EYA4: variants seen among roughly 807,000 people sequenced by gnomAD.
EYA4 encodes EYA transcriptional coactivator and phosphatase 4.
A neutral mutation model predicts 87.9 loss-of-function variants in EYA4; 31 were observed. That is an observed-to-expected ratio of 0.35 (90% confidence interval 0.27 to 0.48). EYA4 has a LOEUF of 0.48. Ranked by LOEUF, EYA4 falls within the 20% of genes least tolerant of loss-of-function variation. The pLI is 0.99. For missense variants in EYA4, 678 were observed against 761.4 expected (o/e 0.89, Z 1.29); for synonymous variants, 263 against 270.6 (o/e 0.97, Z 0.28).
intron 2 of EYA4, among the ~76,000 whole-genome samples, chr6:133,326,017 G>A (rs138281216): frequency 6.6e-6 from 1 of 152,300 alleles, no homozygotes; most frequent in Non-Finnish European, 1.5e-5. Flanking sequence ...TGCTTCTTAT[G>A]CCTCACTGAC....
At chr6:133,294,539 C>T (rs929461462) in intron 2 of EYA4, among the ~76,000 whole-genome samples, 2 of 151,068 alleles carry the variant, frequency 1.3e-5, no homozygotes, top group African/African-American at 4.9e-5. Flanking sequence ...TTTGTGTTGT[C>T]ATTCAACATC....
chr6:133,356,870 T>A (rs1784091095), intron 2 of EYA4, among the ~76,000 whole-genome samples: 1 of 151,628 alleles, frequency 6.6e-6, no homozygotes, highest in Admixed American at 6.6e-5. Flanking sequence ...TGGCATGATC[T>A]CGGCTCACTG....
chr6:133,519,754 C>T (rs1799944985), intron 17 of EYA4, among the ~76,000 whole-genome samples: 1 of 151,084 alleles, frequency 6.6e-6, no homozygotes, highest in Non-Finnish European at 1.5e-5. Context: ...CAATAAAATA[C>T]TGGCAAAACG....
rs752747096 is a variant in EYA4 at position 133,462,455 on chromosome 6, G to A, written c.558G>A (p.Gln186=). 3 of 1,613,936 alleles carry A rather than the reference G, an allele frequency of 1.9e-6. No homozygotes were observed. The Admixed American group carries it at 5.0e-5, about 27-fold the overall frequency. The change falls in exon 8 of 20, where the codon CAG becomes CAA. Residue 186 remains glutamine, a synonymous_variant. Transcript: ENST00000355286. ...AVYTAYSQTG[Q]PYSLPTYDLG... The stretch of plus-strand genomic sequence containing the variant: ...ACACAGCCTACTCACAGACAGGACA[G>A]CCCTACAGCTTGCCCACTTACGGTA...
rs780311987 is a variant in EYA4 at position 133,528,721 on chromosome 6, A to T, written c.1840-4A>T. On this transcript the variant is annotated splice_region_variant and splice_polypyrimidine_tract_variant and intron_variant, in intron 19 of 19. Coordinates refer to ENST00000355286, the MANE Select transcript of EYA4 (RefSeq NM_004100.5). ...TCCCATCCCTCCTTCTCCTAACCAC[A>T]CAGCACAACATGCCCTTCTGGAGGA... is the stretch of plus-strand genomic sequence containing the variant. The T allele has an allele frequency of 2.5e-6, 4 of 1,608,772 alleles. No individual in the cohort carries two copies. The highest frequency in any genetic ancestry group is 2.6e-6 in the Non-Finnish European group (3 of 1,175,414).
At chr6:133,502,205 T>G (rs1327576411) in intron 13 of EYA4, 1 of 152,170 alleles carries the variant, frequency 6.6e-6, no homozygotes, top group African/African-American at 2.4e-5. Flanking sequence ...TTTGAACCTT[T>G]TGGAACTGTT....
rs570354262 is a variant in EYA4, at chr6:133,328,251, C to T, written c.33+53438C>T. 3.9e-5 allele frequency among the ~76,000 whole-genome samples: 6 copies of T among 152,230 alleles called. No homozygotes were observed. The East Asian group carries it at 9.6e-4, about 24-fold the overall frequency. On this transcript the variant is annotated intron_variant, in intron 2 of 19. Transcript: ENST00000355286. ...TAAATGAAACAATACAAATAAGACA[C>T]TTAGAACACTTAAAATATGTTATCA...
intron 2 of EYA4, among the ~76,000 whole-genome samples, chr6:133,352,793 A>C (rs769946292): frequency 3.3e-5 from 5 of 152,168 alleles, no homozygotes; most frequent in Non-Finnish European, 5.9e-5. Flanking sequence ...AGTCAAAGCC[A>C]AGCTTAATAA....
chr6:133,277,724 C>A (rs541550341), intron 2 of EYA4, among the ~76,000 whole-genome samples: 5 of 152,324 alleles, frequency 3.3e-5, no homozygotes, highest in Admixed American at 3.3e-4. Context: ...CCTCTCCCAG[C>A]TTTTCTTCCT....
chr6:133,362,908 AAG>A (rs1784562412), intron 2 of EYA4, among the ~76,000 whole-genome samples: 1 of 152,216 alleles, frequency 6.6e-6, no homozygotes. Flanking sequence ...TCTGTCCTGA[AAG>A]AGGTCCACAG....
intron 2 of EYA4, among the ~76,000 whole-genome samples, chr6:133,291,143 A>G (rs1288801070): frequency 6.6e-6 from 1 of 152,200 alleles, no homozygotes; most frequent in Non-Finnish European, 1.5e-5. Context: ...AAAGGACCTT[A>G]TTAGAGAGAG....
At chr6:133,269,500 C>G (rs1326446267) in intron 1 of EYA4, among the ~76,000 whole-genome samples, 1 of 95,962 alleles carries the variant, frequency 1.0e-5, no homozygotes, top group Non-Finnish European at 2.0e-5. Flanking sequence ...AAAAACATAC[C>G]TTTGATCTGT....
chr6:133,372,395 A>G (rs1301177725), intron 2 of EYA4, among the ~76,000 whole-genome samples: 2 of 152,056 alleles, frequency 1.3e-5, no homozygotes, highest in African/African-American at 4.8e-5. Flanking sequence ...CTAATGAAGA[A>G]TTTTATTTTA....
At chr6:133,253,964 C>A (rs1379932515) in intron 1 of EYA4, among the ~76,000 whole-genome samples, 2 of 152,140 alleles carry the variant, frequency 1.3e-5, no homozygotes, top group Admixed American at 6.5e-5. Flanking sequence ...GGCATTAGGT[C>A]CCAAACCAGA....
At chr6:133,500,685 C>G (rs1298163803) in intron 13 of EYA4, among the ~76,000 whole-genome samples, 3 of 152,176 alleles carry the variant, frequency 2.0e-5, no homozygotes, top group Admixed American at 6.5e-5. Flanking sequence ...CTCTTGCACC[C>G]TGGTTCCGTG....
intron 2 of EYA4, among the ~76,000 whole-genome samples, chr6:133,289,047 G>A (rs970372694): frequency 6.6e-6 from 1 of 152,170 alleles, no homozygotes; most frequent in Non-Finnish European, 1.5e-5. Flanking sequence ...ACACAGAACA[G>A]CAATTGAATG....
chr6:133,457,532 C>A (rs1344370955), intron 6 of EYA4, among the ~76,000 whole-genome samples: 1 of 151,936 alleles, frequency 6.6e-6, no homozygotes, highest in Non-Finnish European at 1.5e-5. Flanking sequence ...TGAGATATGT[C>A]TTAGAGTATT....
chr6:133,488,314 C>T (rs191336598), intron 13 of EYA4, among the ~76,000 whole-genome samples: 1 of 152,112 alleles, frequency 6.6e-6, no homozygotes, highest in Non-Finnish European at 1.5e-5. Flanking sequence ...TGTAGACCCA[C>T]CAGGGACCAG....
rs969466286 is a variant in EYA4 at position 133,409,338 on chromosome 6, AAAG to A, written c.83+26901_83+26903del. On this transcript the variant is annotated intron_variant, in intron 3 of 19. Transcript: ENST00000355286. ...AATTGCAAAATATATACACACAAAA[AAAG>A]AAGTGTTATTCAGCCTTAAAAAGGA... is the stretch of plus-strand genomic sequence containing the variant. Among the ~76,000 whole-genome samples, 71 of 152,330 alleles carry A rather than the reference AAAG, an allele frequency of 4.7e-4. 1 individual carries two copies. The highest frequency in any genetic ancestry group is 1.5e-3 in the African/African-American group (62 of 41,588).
Sources: allele counts gnomAD v4.1 joint callset (sites outside exome capture counted in the v4.1 genomes callset), GRCh38; gene constraint gnomAD v4.1.1; transcripts MANE v1.5; gene names NCBI Gene and HGNC (gene_info 2026-07-23, HGNC 2026-07-21).